The following KRT17 variants were observed in gnomAD, a reference collection of about 807,000 sequenced individuals.
The protein encoded by KRT17 is keratin, type I cytoskeletal 17.
In KRT17, 29 loss-of-function variants were observed where a neutral mutation model predicts 45.6. The ratio of observed to expected loss-of-function variants is 0.64; its 90% confidence interval spans 0.47 to 0.87. KRT17 has a LOEUF of 0.87. Ranked by LOEUF, KRT17 falls within the 40% of genes least tolerant of loss-of-function variation. The probability of loss-of-function intolerance (pLI) is 0.00; values close to 1 mark genes in which losing one functional copy is unlikely to be tolerated. For synonymous variants in KRT17, 219 were observed against 234.6 expected (o/e 0.93, Z 0.61); for missense variants, 536 against 577.8 (o/e 0.93, Z 0.74).
chr17:41,621,880 C>A lies in KRT17; in HGVS notation c.673-126G>T, dbSNP rs950441048. On this transcript the variant is annotated intron_variant, in intron 3 of 7. Transcript: ENST00000311208. Reference sequence around the variant, plus strand: ...CTCCTTTGTTCTCCCTCTGCTCTATCTGACCCTCTAAATGATTTTTATTCA... The same window carrying A: ...CTCCTTTGTTCTCCCTCTGCTCTATATGACCCTCTAAATGATTTTTATTCA... 32 of 994,376 alleles carry A rather than the reference C, an allele frequency of 3.2e-5. No individual in the cohort carries two copies. In the African/African-American group the frequency reaches 3.5e-4, roughly 11 times the overall value. The allele number at this position is 994,376 out of a possible 1,614,324, so 61.6% of individuals were successfully genotyped here. A position where few individuals can be genotyped will look rare whatever the true frequency, so the allele number is the denominator to read the frequency against.
Position 41,621,662 on chromosome 17 carries a change from C to T in KRT17, c.765G>A (p.Glu255=), listed in dbSNP as rs750614055. ...PGVDLSRILN[E]MRDQYEKMAE... The stretch of plus-strand genomic sequence containing the variant: ...CCATCTTCTCATACTGGTCACGCAT[C>T]TCGTTGAGGATGCGGCTCAGGTCCA... The change falls in exon 4 of 8, where the codon GAG becomes GAA. Residue 255 remains glutamate (E), a synonymous_variant. Coordinates refer to ENST00000311208, the MANE Select transcript of KRT17 (RefSeq NM_000422.3). The T allele has an allele frequency of 6.2e-7, 1 of 1,612,252 alleles. No homozygotes were observed. Among genetic ancestry groups the T allele is most frequent in the Non-Finnish European group, 8.5e-7 (1 of 1,179,866 alleles).
At chr17:41,619,810 C>T in intron 7 of KRT17, 122 bp from the exon 8 acceptor site, 1 of 1,569,274 alleles carries the variant, frequency 6.4e-7, no homozygotes. Flanking sequence ...TGAGTGCCTC[C>T]ACTGGCACCT....
Position 41,624,337 on chromosome 17 carries a change from G to A in KRT17, c.173C>T (p.Ser58Phe). Residue 58 changes from serine to phenylalanine, a missense_variant, in exon 1 of 8, where the codon TCC (serine) becomes TTC (phenylalanine). Ser to Phe is a radical substitution (Grantham distance 155). Transcript: ENST00000311208. ...LGSTLGGSSY[S>F]SCYSFGSGGG... Reference sequence around the variant, plus strand: ...ACCAGAGCCAAAGCTGTAGCAGCTGGAGTAGCTGCTACCCCCGAGGGTGCT... The same window carrying A: ...ACCAGAGCCAAAGCTGTAGCAGCTGAAGTAGCTGCTACCCCCGAGGGTGCT... 1 of 1,611,844 alleles carries A rather than the reference G, an allele frequency of 6.2e-7. No individual in the cohort carries two copies. The highest frequency in any genetic ancestry group is 8.5e-7 in the Non-Finnish European group (1 of 1,179,880).
Position 41,621,777 on chromosome 17 carries a change from T to C in KRT17, c.673-23A>G, listed in dbSNP as rs750226689. The C allele has an allele frequency of 1.8e-5, 29 of 1,611,914 alleles. No individual in the cohort carries two copies. The South Asian group carries it at 2.3e-4, about 13-fold the overall frequency. ...CTCCTATGGAAAAAGGGGATGTGGA[T>C]GTGCGCATCTGGACCCATCCTGACC... On this transcript the variant is annotated intron_variant, in intron 3 of 7. Coordinates refer to ENST00000311208, the MANE Select transcript of KRT17 (RefSeq NM_000422.3).
chr17:41,622,361 G>A lies in KRT17; in HGVS notation c.666C>T (p.His222=), dbSNP rs150142591. 3,166 of 1,613,364 alleles carry A rather than the reference G, an allele frequency of 2.0e-3. 63 individuals carry two copies. In the South Asian group the frequency reaches 0.027, roughly 14 times the overall value. Reference sequence around the variant, plus strand: ...TCTGCCCCAGCCACCTCACCTCCTCGTGGTTCTTCTTCAGGTAGGCCAGCT... The same window carrying A: ...TCTGCCCCAGCCACCTCACCTCCTCATGGTTCTTCTTCAGGTAGGCCAGCT... ...KEELAYLKKN[H]EEEMNALRGQ... is the part of the protein sequence containing the mutation. Residue 222 remains histidine, a synonymous_variant, in exon 3 of 8, where the codon CAC becomes CAT. Transcript: ENST00000311208.
rs771187547 is a variant in KRT17 at position 41,624,086 on chromosome 17, G to A, written c.424C>T (p.Gln142Ter). 3.1e-6 allele frequency: 5 copies of A among 1,611,950 alleles called. No homozygotes were observed. Among genetic ancestry groups the A allele is most frequent in the Non-Finnish European group, 4.2e-6 (5 of 1,179,896 alleles). ...SQYYRTIEEL[Q>*]NKILTATVDN... ...CCACCAGCAGGCCCTACCTTGTTCT[G>A]CAGCTCCTCAATTGTCCTGTAGTAC... Residue 142 changes from glutamine (Q) to a stop codon, truncating the protein, a stop_gained, in exon 1 of 8, where the codon CAG becomes TAG. Coordinates refer to ENST00000311208, the MANE Select transcript of KRT17 (RefSeq NM_000422.3). LOFTEE classifies it high-confidence loss of function.
rs1908666142 is a variant in KRT17 at position 41,624,533 on chromosome 17, A to T, written c.-24T>A. 2 of 1,604,004 alleles carry T rather than the reference A, an allele frequency of 1.2e-6. No homozygotes were observed. Among genetic ancestry groups the T allele is most frequent in the Middle Eastern group, 2.3e-4 (1 of 4,426 alleles). ...ATGGTGGCGGCGGCAGGAGGCAGGC[A>T]CACAGGAGAAGGGCTGGAGAGGAGA... On this transcript the variant is annotated 5_prime_UTR_variant, in exon 1 of 8. Coordinates refer to ENST00000311208, the MANE Select transcript of KRT17 (RefSeq NM_000422.3).
chr17:41,619,654 T>C lies in KRT17; in HGVS notation c.1239A>G (p.Glu413=), dbSNP rs767866536. 12 of 1,612,080 alleles carry C rather than the reference T, an allele frequency of 7.4e-6. No individual in the cohort carries two copies. The highest frequency in any genetic ancestry group is 1.0e-5 in the Non-Finnish European group (12 of 1,180,016). ...VTTRQVRTIV[E]EVQDGKVISS... is the part of the protein sequence containing the mutation. ...AGATGACCTTGCCATCCTGGACCTC[T>C]TCCACAATGGTACGCACCTGACGGG... is the stretch of plus-strand genomic sequence containing the variant. Residue 413 remains glutamate, a synonymous_variant, in exon 8 of 8, where the codon GAA becomes GAG. Coordinates refer to ENST00000311208, the MANE Select transcript of KRT17 (RefSeq NM_000422.3).
rs565625144 is a variant in KRT17 at position 41,624,555 on chromosome 17, G to A, written c.-46C>T. The A allele has an allele frequency of 3.2e-4, 510 of 1,575,634 alleles. 2 individuals carry two copies. In the East Asian group the frequency reaches 3.9e-3, roughly 12 times the overall value. Reference sequence around the variant, plus strand: ...GGCACACAGGAGAAGGGCTGGAGAGGAGAGGGGCCCCAAGTTGTGTAGGGC... The same window carrying A: ...GGCACACAGGAGAAGGGCTGGAGAGAAGAGGGGCCCCAAGTTGTGTAGGGC... On this transcript the variant is annotated 5_prime_UTR_variant, in exon 1 of 8. Coordinates refer to ENST00000311208, the MANE Select transcript of KRT17 (RefSeq NM_000422.3).
rs1350101727 is a variant in KRT17 at position 41,623,153 on chromosome 17, G to A, written c.433-121C>T. 1.3e-5 allele frequency: 10 copies of A among 789,988 alleles called. No individual in the cohort carries two copies. The Admixed American group carries it at 1.4e-4, about 11-fold the overall frequency. The allele number at this position is 789,988 out of a possible 1,614,324, so 48.9% of individuals were successfully genotyped here. On this transcript the variant is annotated intron_variant, in intron 1 of 7. Coordinates refer to ENST00000311208, the MANE Select transcript of KRT17 (RefSeq NM_000422.3). ...TCGCCCAGCCCCTCCCTTGCCCCGT[G>A]CTGTATTATTGGCAGAGGAGGGGCA... is the stretch of plus-strand genomic sequence containing the variant.
rs1421659364 is a variant in KRT17 at position 41,619,615 on chromosome 17, C to G, written c.1278G>C (p.Gln426His). ...GTCCTCAGCGGGTGGTCTGGTGGACCTGCTCGCGGGAGGAGATGACCTTGC... is the reference window on the plus strand; with the variant it reads ...GTCCTCAGCGGGTGGTCTGGTGGACGTGCTCGCGGGAGGAGATGACCTTGC... ...QDGKVISSRE[Q>H]VHQTTR Residue 426 changes from glutamine to histidine, a missense_variant, in exon 8 of 8, where the codon CAG (glutamine) becomes CAC (histidine). Physicochemically the swap from Gln to His is conservative, Grantham distance 24 (BLOSUM62 0). Transcript: ENST00000311208. The G allele has an allele frequency of 6.2e-7, 1 of 1,612,204 alleles. No homozygotes were observed.
chr17:41,621,277 C>T (rs1215672335), intron 4 of KRT17, among the ~76,000 whole-genome samples, 186 bp from the exon 5 acceptor site: 1 of 152,218 alleles, frequency 6.6e-6, no homozygotes, highest in African/African-American at 2.4e-5. Flanking sequence ...AGGCACAGAC[C>T]GGAAACTTGA....
At chr17:41,620,428 A>G (rs1364401824) in intron 7 of KRT17, 108 bp downstream of exon 7, 11 of 1,607,130 alleles carry the variant, frequency 6.8e-6, no homozygotes, top group Non-Finnish European at 9.3e-6. Flanking sequence ...CTGCTGAGGG[A>G]CAGCCATCAA....
intron 1 of KRT17, 59 bp from the exon 2 acceptor site, chr17:41,623,091 G>T: frequency 7.8e-7 from 1 of 1,278,996 alleles, no homozygotes; most frequent in African/African-American, 1.5e-5. Flanking sequence ...CCACACCAGG[G>T]TTCTGAGCAG....
Position 41,620,556 on chromosome 17 carries a change from A to C in KRT17, c.1184T>G (p.Leu395Arg), listed in dbSNP as rs1908500627. 2.5e-6 allele frequency: 4 copies of C among 1,610,378 alleles called. No homozygotes were observed. The highest frequency in any genetic ancestry group is 3.4e-6 in the Non-Finnish European group (4 of 1,179,498). Residue 395 changes from leucine to arginine, a missense_variant and splice_region_variant, in exon 7 of 8, where the codon CTG becomes CGG. By Grantham distance (102) the Leu-to-Arg change is moderately radical. Coordinates refer to ENST00000311208, the MANE Select transcript of KRT17 (RefSeq NM_000422.3). The part of the protein sequence containing the change: ...RRLLEGEDAH[L>R]TQYKKEPVTT... ...CTTACGTTCTTTCTTGTACTGAGTC[A>C]GGCTGAAAGAAAAAAAAAAACAGAG...
Position 41,622,509 on chromosome 17 carries a change from A to T in KRT17, c.518T>A (p.Phe173Tyr). ...RLAADDFRTKFETEQALRLSV... is the reference protein window; with the variant it reads ...RLAADDFRTKYETEQALRLSV... Reference sequence around the variant, plus strand: ...CAGGCGCAGGGCCTGCTCTGTCTCAAACCTGCCGTGGGAATCAGAGACTTC... The same window carrying T: ...CAGGCGCAGGGCCTGCTCTGTCTCATACCTGCCGTGGGAATCAGAGACTTC... Residue 173 changes from phenylalanine to tyrosine, a missense_variant and splice_region_variant, in exon 3 of 8, where the codon TTT becomes TAT. Coordinates refer to ENST00000311208, the MANE Select transcript of KRT17 (RefSeq NM_000422.3). 1 of 1,613,188 alleles carries T rather than the reference A, an allele frequency of 6.2e-7. No individual in the cohort carries two copies. Among genetic ancestry groups the T allele is most frequent in the Non-Finnish European group, 8.5e-7 (1 of 1,180,008 alleles).
In KRT17 at chr17:41,619,676, C is replaced by T. The variant is rs757939264; in HGVS notation, c.1217G>A (p.Arg406His). 26 of 1,612,062 alleles carry T rather than the reference C, an allele frequency of 1.6e-5. No individual in the cohort carries two copies. The highest frequency in any genetic ancestry group is 3.3e-5 in the Admixed American group (2 of 60,002). Residue 406 changes from arginine to histidine, a missense_variant, in exon 8 of 8, where the codon CGT becomes CAT. Physicochemically the swap from Arg to His is conservative, Grantham distance 29. Transcript: ENST00000311208. ...CTCTTCCACAATGGTACGCACCTGA[C>T]GGGTGGTCACCGCTGCAGGAGAAGC... ...TQYKKEPVTT[R>H]QVRTIVEEVQ...
At position 41,623,011 on chromosome 17, in the gene KRT17, T is replaced by G; in HGVS notation, c.454A>C (p.Asn152His). 1 of 1,613,424 alleles carries G rather than the reference T, an allele frequency of 6.2e-7. No homozygotes were observed. Among genetic ancestry groups the G allele is most frequent in the Non-Finnish European group, 8.5e-7 (1 of 1,179,718 alleles). Residue 152 changes from asparagine (N) to histidine (H), a missense_variant, in exon 2 of 8, where the codon AAT becomes CAT. Transcript: ENST00000311208. ...QNKILTATVD[N>H]ANILLQIDNA... ...TCAATCTGTAGCAGGATGTTGGCAT[T>G]GTCCACGGTGGCTGTGAGGATCTGA...
chr17:41,621,547 G>A (rs1470399858), intron 4 of KRT17, 46 bp downstream of exon 4: 7 of 1,611,066 alleles, frequency 4.3e-6, no homozygotes, highest in Non-Finnish European at 5.9e-6. Context: ...TAAGGCCCCT[G>A]AGCCCCAGCC....
Sources: gnomAD v4.1 joint callset for allele counts (sites outside exome capture counted in the v4.1 genomes callset) on GRCh38, gnomAD v4.1.1 for gene constraint, MANE v1.5 for transcripts, NCBI Gene and HGNC (gene_info 2026-07-23, HGNC 2026-07-21) for gene names.